The following FAM13C variants were observed in gnomAD, a reference collection of about 807,000 sequenced individuals.
FAM13C encodes the protein family with sequence similarity 13 member C.
FAM13C carries 37 observed loss-of-function variants against 73.2 expected under a neutral mutation model. The observed-to-expected ratio is 0.51, with a 90% CI of 0.39 to 0.67. FAM13C has a LOEUF of 0.67. Ranked by LOEUF, FAM13C falls within the 30% of genes least tolerant of loss-of-function variation. The pLI is 0.00. For missense variants in FAM13C, 589 were observed against 715.6 expected, an observed-to-expected ratio of 0.82 and a Z score of 2.02; for synonymous variants, 246 against 260.9, an observed-to-expected ratio of 0.94 and a Z score of 0.55.
chr10:59,356,050 A>G, intron 1 of FAM13C, 107 bp from the exon 2 acceptor site: 2 of 997,558 alleles, frequency 2.0e-6, no homozygotes, highest in Non-Finnish European at 3.2e-6. Flanking sequence ...TAAAAGATGA[A>G]ACACTCCCTA....
chr10:59,301,998 T>C (rs1356949318), intron 5 of FAM13C, among the ~76,000 whole-genome samples: 1 of 140,490 alleles, frequency 7.1e-6, no homozygotes, highest in East Asian at 2.1e-4. Context: ...AAGGGATGCA[T>C]CTTCAAAACG....
intron 4 of FAM13C, 151 bp from the exon 5 acceptor site, chr10:59,303,015 A>G: frequency 1.5e-6 from 1 of 655,728 alleles, no homozygotes; most frequent in Non-Finnish European, 2.6e-6. Flanking sequence ...ACTCCTTACA[A>G]TGGCCTGCAG....
chr10:59,339,510 A>G (rs776187503), intron 3 of FAM13C, among the ~76,000 whole-genome samples: 21 of 152,172 alleles, frequency 1.4e-4, no homozygotes, highest in Non-Finnish European at 2.4e-4. Flanking sequence ...CCTCCTGTCT[A>G]GCTTCCATTC....
At chr10:59,310,093 A>C (rs993223308) in intron 4 of FAM13C, among the ~76,000 whole-genome samples, 7 of 152,258 alleles carry the variant, frequency 4.6e-5, no homozygotes, top group African/African-American at 1.7e-4. Context: ...GAGTAAAAAG[A>C]GAGCATCCAA....
chr10:59,345,374 C>T (rs138990049), intron 3 of FAM13C, among the ~76,000 whole-genome samples: 108 of 152,316 alleles, frequency 7.1e-4, no homozygotes, highest in Non-Finnish European at 1.2e-3. Context: ...GTTTTGAATG[C>T]AAATTCTGTC....
At chr10:59,308,082 G>T (rs970577879) in intron 4 of FAM13C, among the ~76,000 whole-genome samples, 2 of 152,014 alleles carry the variant, frequency 1.3e-5, no homozygotes, top group Admixed American at 1.3e-4. Context: ...TTCTCTTGCC[G>T]CCTGTGTCCA....
At chr10:59,319,816 G>T (rs1849982426) in intron 4 of FAM13C, among the ~76,000 whole-genome samples, 2 of 152,078 alleles carry the variant, frequency 1.3e-5, no homozygotes, top group African/African-American at 4.8e-5. Context: ...TACATGTTTT[G>T]AAAATACCAG....
intron 3 of FAM13C, among the ~76,000 whole-genome samples, chr10:59,345,218 C>T (rs898900222): frequency 4.6e-5 from 7 of 152,158 alleles, no homozygotes; most frequent in African/African-American, 1.2e-4. Flanking sequence ...ACCATCGATA[C>T]GCTTGTGTTT....
Position 59,252,809 on chromosome 10 carries a change from C to T in FAM13C, c.1522G>A (p.Glu508Lys). ...AGGATTCATACTCACATGGTAGCCT[C>T]ATGTAAATTAGACATGGAGAGAGCT... ...PPALSMSNLH[E>K]ATMPVLLDHL... The change falls in exon 12 of 14, where the codon GAG becomes AAG. Residue 508 changes from glutamate to lysine, a missense_variant. By Grantham distance (56) the Glu-to-Lys change is moderately conservative (BLOSUM62 1). Coordinates refer to ENST00000618804, the MANE Select transcript of FAM13C (RefSeq NM_198215.4). The T allele has an allele frequency of 1.9e-6, 3 of 1,613,828 alleles. No individual in the cohort carries two copies. The highest frequency in any genetic ancestry group is 2.5e-6 in the Non-Finnish European group (3 of 1,179,948).
At chr10:59,327,120 C>T (rs143371595) in intron 3 of FAM13C, among the ~76,000 whole-genome samples, 86 of 152,112 alleles carry the variant, frequency 5.7e-4, no homozygotes, top group African/African-American at 2.0e-3. Flanking sequence ...ATGCCCAGGA[C>T]AGCCTGGCAT....
intron 11 of FAM13C, among the ~76,000 whole-genome samples, chr10:59,253,280 T>A (rs1230834139): frequency 6.6e-6 from 1 of 152,240 alleles, no homozygotes; most frequent in Non-Finnish European, 1.5e-5. Context: ...ACCATTAGGA[T>A]ATGGTCCAGT....
chr10:59,361,212 GTTTT>G, intron 1 of FAM13C: 1 of 592,532 alleles, frequency 1.7e-6, no homozygotes, highest in Non-Finnish European at 2.4e-6. Context: ...AGTCAATCCT[GTTTT>G]TTTTTTTAAG....
At chr10:59,319,997 TAC>T (rs1421954546) in intron 4 of FAM13C, among the ~76,000 whole-genome samples, 3 of 152,158 alleles carry the variant, frequency 2.0e-5, no homozygotes, top group Non-Finnish European at 4.4e-5. Flanking sequence ...TCCAGGGAGC[TAC>T]AGAGTCCCCA....
intron 4 of FAM13C, among the ~76,000 whole-genome samples, chr10:59,319,072 AACACACACACACACACACACAC>A (rs59965630): frequency 2.2e-5 from 3 of 134,574 alleles, no homozygotes; most frequent in Non-Finnish European, 3.2e-5. Context: ...TAGCTATTCA[AACACACACACACACACACACAC>A]ACACACACAC....
chr10:59,353,441 T>G (rs1025028916), intron 2 of FAM13C, among the ~76,000 whole-genome samples: 2 of 152,170 alleles, frequency 1.3e-5, no homozygotes, highest in Non-Finnish European at 2.9e-5. Context: ...ATGAAATGCA[T>G]GAGAAGTGGC....
At chr10:59,320,201 A>G (rs1480856736) in intron 4 of FAM13C, among the ~76,000 whole-genome samples, 1 of 152,128 alleles carries the variant, frequency 6.6e-6, no homozygotes, top group African/African-American at 2.4e-5. Flanking sequence ...CCTCCTTTAG[A>G]CTCTTCCAAA....
intron 9 of FAM13C, 36 bp downstream of exon 9, chr10:59,264,049 C>G: frequency 2.5e-6 from 4 of 1,590,138 alleles, no homozygotes; most frequent in Middle Eastern, 1.7e-4. Flanking sequence ...TAACTGCTTC[C>G]TTTGTGAGGA....
chr10:59,302,960 T>C (rs567473768), intron 4 of FAM13C, 96 bp from the exon 5 acceptor site: 20 of 1,073,172 alleles, frequency 1.9e-5, no homozygotes, highest in Non-Finnish European at 2.6e-5. Context: ...GTACCCCTGA[T>C]AAAAACCCTT....
At chr10:59,258,088 G>C (rs961592700) in intron 10 of FAM13C, among the ~76,000 whole-genome samples, 1 of 152,074 alleles carries the variant, frequency 6.6e-6, no homozygotes, top group African/African-American at 2.4e-5. Context: ...AGAATGATAA[G>C]CTCTCTATGT....
Sources: allele counts gnomAD v4.1 joint callset (sites outside exome capture counted in the v4.1 genomes callset), GRCh38; gene constraint gnomAD v4.1.1; transcripts MANE v1.5; gene names NCBI Gene and HGNC (gene_info 2026-07-23, HGNC 2026-07-21).